The following IGF1R variants were observed in gnomAD, a reference collection of about 807,000 sequenced individuals.
The protein encoded by IGF1R is insulin like growth factor 1 receptor, also known as insulin-like growth factor 1 receptor.
In IGF1R, 44 loss-of-function variants were observed where a neutral mutation model predicts 144.6. That is an observed-to-expected ratio of 0.30 (90% CI 0.24 to 0.39). IGF1R has a LOEUF of 0.39. Among genes scored for constraint, IGF1R ranks in the 10% least tolerant of loss-of-function variants. The pLI, the probability that IGF1R is intolerant of heterozygous loss-of-function variation, is 1.00. For missense variants in IGF1R, 1,355 were observed against 1,833.7 expected (o/e 0.74, Z 4.77); for synonymous variants, 795 against 722.8 (o/e 1.10, Z -1.60).
chr15:98,806,633 A>C (rs887268161), intron 2 of IGF1R, among the ~76,000 whole-genome samples: 1 of 152,256 alleles, frequency 6.6e-6, no homozygotes, highest in African/African-American at 2.4e-5. Flanking sequence ...CAACACTGTG[A>C]AAAGAGAAGC....
intron 2 of IGF1R, among the ~76,000 whole-genome samples, chr15:98,855,380 T>C (rs1315447261): frequency 6.6e-6 from 1 of 152,224 alleles, no homozygotes; most frequent in Non-Finnish European, 1.5e-5. Context: ...GTTATGAGGA[T>C]TAACTGTGCC....
At chr15:98,831,025 A>C (rs908543113) in intron 2 of IGF1R, among the ~76,000 whole-genome samples, 1 of 152,110 alleles carries the variant, frequency 6.6e-6, no homozygotes, top group Non-Finnish European at 1.5e-5. Flanking sequence ...GTAGATAACT[A>C]ACAGAGTGAG....
chr15:98,961,466 T>A lies in IGF1R; in HGVS notation c.*4024T>A, dbSNP rs1199115618. 4.3e-6 allele frequency: 1 copy of A among 233,452 alleles called. No homozygotes were observed. Among genetic ancestry groups the A allele is most frequent in the East Asian group, 6.0e-5 (1 of 16,580 alleles). 14.5% of individuals were successfully genotyped at this position (233,452 alleles called of 1,614,324 possible). On this transcript the variant is annotated 3_prime_UTR_variant, in exon 21 of 21. Transcript: ENST00000650285. ...ACTTTACTGGACCAACCCACCCACC[T>A]TGACTATACCAAGGCATCATCTATC...
intron 2 of IGF1R, among the ~76,000 whole-genome samples, chr15:98,872,175 T>A (rs1239345401): frequency 5.3e-5 from 8 of 152,242 alleles, no homozygotes; most frequent in Admixed American, 3.9e-4. Context: ...AGCGAATGGA[T>A]TGAAGAACAG....
At chr15:98,667,253 T>C (rs2052766364) in intron 1 of IGF1R, among the ~76,000 whole-genome samples, 1 of 152,256 alleles carries the variant, frequency 6.6e-6, no homozygotes. Flanking sequence ...TTCATTTTCT[T>C]ATTTTTCCAG....
chr15:98,655,359 C>T (rs1222454332), intron 1 of IGF1R, among the ~76,000 whole-genome samples: 1 of 152,112 alleles, frequency 6.6e-6, no homozygotes, highest in East Asian at 1.9e-4. Context: ...CAATTTTACT[C>T]GTTTGAAAGT....
At chr15:98,809,225 G>T (rs1353442391) in intron 2 of IGF1R, among the ~76,000 whole-genome samples, 1 of 152,218 alleles carries the variant, frequency 6.6e-6, no homozygotes, top group South Asian at 2.1e-4. Flanking sequence ...CCTATGGGTG[G>T]CACAGAGATT....
At chr15:98,772,753 C>A (rs1395844673) in intron 2 of IGF1R, among the ~76,000 whole-genome samples, 1 of 146,508 alleles carries the variant, frequency 6.8e-6, no homozygotes, top group Admixed American at 6.8e-5. Context: ...TTTTTTTTTT[C>A]CTTGTTGGGG....
chr15:98,876,683 G>A (rs572320542), intron 2 of IGF1R, among the ~76,000 whole-genome samples: 1 of 152,222 alleles, frequency 6.6e-6, no homozygotes, highest in Non-Finnish European at 1.5e-5. Flanking sequence ...TTTTTCCGAG[G>A]CACTTTTGAA....
chr15:98,709,818 A>C (rs1256795389), intron 2 of IGF1R, among the ~76,000 whole-genome samples: 1 of 152,146 alleles, frequency 6.6e-6, no homozygotes, highest in East Asian at 1.9e-4. Flanking sequence ...AGCTCTTTAG[A>C]GAAGGGAGGT....
rs1172550722 is a variant in IGF1R, at chr15:98,958,061, C to T, written c.*619C>T. 4 of 234,300 alleles carry T rather than the reference C, an allele frequency of 1.7e-5. No individual in the cohort carries two copies. In the East Asian group the frequency reaches 2.4e-4, roughly 14 times the overall value. 14.5% of individuals were successfully genotyped at this position (234,300 alleles called of 1,614,324 possible). On this transcript the variant is annotated 3_prime_UTR_variant, in exon 21 of 21. Transcript: ENST00000650285. ...ATCCTGAACTTTCTCCCTCATCGGC[C>T]CGGCGCTGATTCCTCGTGTCCGGAG...
intron 2 of IGF1R, among the ~76,000 whole-genome samples, chr15:98,735,647 G>A (rs1032485864): frequency 6.6e-6 from 1 of 152,242 alleles, no homozygotes; most frequent in Non-Finnish European, 1.5e-5. Flanking sequence ...GGATATTCAA[G>A]AAAGAGGGTC....
chr15:98,733,015 G>A (rs959979711), intron 2 of IGF1R, among the ~76,000 whole-genome samples: 2 of 152,162 alleles, frequency 1.3e-5, no homozygotes, highest in African/African-American at 4.8e-5. Flanking sequence ...ATTTTTCAAG[G>A]ATACATGTTT....
intron 2 of IGF1R, among the ~76,000 whole-genome samples, chr15:98,781,543 G>A (rs911305282): frequency 1.3e-5 from 2 of 152,132 alleles, no homozygotes; most frequent in African/African-American, 4.8e-5. Flanking sequence ...TTATTTACCT[G>A]AGCTTTTTGT....
At chr15:98,898,776 A>T (rs1268389181) in intron 4 of IGF1R, among the ~76,000 whole-genome samples, 1 of 152,236 alleles carries the variant, frequency 6.6e-6, no homozygotes, top group African/African-American at 2.4e-5. Context: ...TTTGTTTACT[A>T]TGAGAAAAAG....
At chr15:98,859,127 C>G (rs1226658409) in intron 2 of IGF1R, among the ~76,000 whole-genome samples, 2 of 151,696 alleles carry the variant, frequency 1.3e-5, no homozygotes, top group East Asian at 3.9e-4. Flanking sequence ...AGAAACACAT[C>G]CAGTTTGAGC....
intron 2 of IGF1R, among the ~76,000 whole-genome samples, chr15:98,869,376 C>T (rs551653173): frequency 2.7e-5 from 4 of 150,582 alleles, no homozygotes; most frequent in Admixed American, 6.6e-5. Flanking sequence ...AAATTGGCAA[C>T]GACCACACCA....
chr15:98,687,036 GA>G (rs1362248687), intron 1 of IGF1R, among the ~76,000 whole-genome samples: 1 of 152,130 alleles, frequency 6.6e-6, no homozygotes, highest in Non-Finnish European at 1.5e-5. Context: ...GGGAGCATGT[GA>G]AAAAACCTAA....
At chr15:98,934,563 G>C (rs2016070471) in intron 15 of IGF1R, among the ~76,000 whole-genome samples, 2 of 152,018 alleles carry the variant, frequency 1.3e-5, no homozygotes, top group African/African-American at 2.4e-5. Flanking sequence ...TCCTTGCTTT[G>C]TTCTGGTCCT....
Sources: allele counts gnomAD v4.1 joint callset (sites outside exome capture counted in the v4.1 genomes callset), GRCh38; gene constraint gnomAD v4.1.1; transcripts MANE v1.5; gene names NCBI Gene and HGNC (gene_info 2026-07-23, HGNC 2026-07-21).